The following FREM2 variants were observed in gnomAD, a reference collection of about 807,000 sequenced individuals.
The protein encoded by FREM2 is FRAS1-related extracellular matrix protein 2.
A neutral mutation model predicts 219.9 loss-of-function variants in FREM2; 119 were observed. The observed-to-expected ratio is 0.54, with a 90% CI of 0.47 to 0.63. FREM2 has a LOEUF of 0.63. Among genes scored for constraint, FREM2 ranks in the 30% least tolerant of loss-of-function variants. The probability of loss-of-function intolerance (pLI) is 0.00; values close to 1 mark genes in which losing one functional copy is unlikely to be tolerated. For synonymous variants in FREM2, 1,562 were observed against 1,522.8 expected (o/e 1.03, Z -0.60); for missense variants, 4,030 against 3,993.6 (o/e 1.01, Z -0.25).
At chr13:38,736,410 C>T (rs926317328) in intron 2 of FREM2, among the ~76,000 whole-genome samples, 2 of 152,186 alleles carry the variant, frequency 1.3e-5, no homozygotes, top group African/African-American at 4.8e-5. Context: ...CAAAACCTCT[C>T]TGTAACCATG....
At chr13:38,823,511 A>G (rs1876152236) in intron 6 of FREM2, among the ~76,000 whole-genome samples, 1 of 151,898 alleles carries the variant, frequency 6.6e-6, no homozygotes, top group African/African-American at 2.4e-5. Flanking sequence ...CAAGCAGCAT[A>G]CAATACCACA....
chr13:38,873,942 T>C (rs1264583656), intron 17 of FREM2, among the ~76,000 whole-genome samples: 1 of 152,218 alleles, frequency 6.6e-6, no homozygotes, highest in Non-Finnish European at 1.5e-5. Flanking sequence ...GTGTCTTGTT[T>C]TAGAAGATGT....
chr13:38,823,144 T>C (rs966408224), intron 6 of FREM2, among the ~76,000 whole-genome samples: 1 of 151,970 alleles, frequency 6.6e-6, no homozygotes, highest in East Asian at 1.9e-4. Context: ...TTCCTCTCAG[T>C]CCTCACCCCA....
intron 2 of FREM2, among the ~76,000 whole-genome samples, chr13:38,732,611 G>C (rs1443418819): frequency 6.6e-6 from 1 of 152,172 alleles, no homozygotes; most frequent in Non-Finnish European, 1.5e-5. Context: ...ACACAACTGG[G>C]TTGAAATTCC....
intron 6 of FREM2, among the ~76,000 whole-genome samples, chr13:38,813,464 TTCTCTCTC>T (rs1170570605): frequency 1.2e-4 from 7 of 60,454 alleles, no homozygotes; most frequent in African/African-American, 4.3e-4. Flanking sequence ...GTTATTTGTT[TTCTCTCTC>T]TCTCTCTCTC....
chr13:38,795,992 T>C (rs1408600450), intron 6 of FREM2, among the ~76,000 whole-genome samples: 1 of 149,862 alleles, frequency 6.7e-6, no homozygotes, highest in African/African-American at 2.4e-5. Context: ...TCTTTCTTTC[T>C]TTCTTTTTTC....
chr13:38,818,979 T>C (rs1390279450), intron 6 of FREM2, among the ~76,000 whole-genome samples: 1 of 152,148 alleles, frequency 6.6e-6, no homozygotes, highest in Non-Finnish European at 1.5e-5. Context: ...ACTACCCTTA[T>C]TGTGTCATTA....
At chr13:38,782,105 G>C (rs928885636) in intron 4 of FREM2, among the ~76,000 whole-genome samples, 15 of 152,316 alleles carry the variant, frequency 9.8e-5, no homozygotes, top group Non-Finnish European at 2.2e-4. Context: ...GGGTGAAGCA[G>C]GGTGGAGCAT....
intron 6 of FREM2, among the ~76,000 whole-genome samples, chr13:38,793,810 A>G (rs1206862407): frequency 6.6e-6 from 1 of 152,162 alleles, no homozygotes; most frequent in African/African-American, 2.4e-5. Flanking sequence ...GTGCTGAGGA[A>G]GAATGGGCAT....
chr13:38,844,243 T>A (rs1877063814), intron 6 of FREM2, among the ~76,000 whole-genome samples: 1 of 152,144 alleles, frequency 6.6e-6, no homozygotes, highest in Non-Finnish European at 1.5e-5. Flanking sequence ...TTTATTTTTA[T>A]AACATTGTCA....
chr13:38,785,849 G>C (rs1874306318), intron 6 of FREM2, among the ~76,000 whole-genome samples: 1 of 152,156 alleles, frequency 6.6e-6, no homozygotes, highest in African/African-American at 2.4e-5. Flanking sequence ...GTAGCTGTGA[G>C]AATAATAGGT....
rs200997496 is a variant in FREM2 at position 38,864,286 on chromosome 13, G to C, written c.7663G>C (p.Val2555Leu). 1 of 1,613,402 alleles carries C rather than the reference G, an allele frequency of 6.2e-7. No homozygotes were observed. Among genetic ancestry groups the C allele is most frequent in the Non-Finnish European group, 8.5e-7 (1 of 1,179,338 alleles). Residue 2555 changes from valine (V) to leucine (L), a missense_variant, in exon 16 of 24, where the codon GTG becomes CTG. By Grantham distance (32) the Val-to-Leu change is conservative. This residue lies in a region of FREM2 where 928 missense variants were observed against 1,042.9 expected (regional missense o/e 0.89). Transcript: ENST00000280481. ...TCGATTTATCATAGGCATGCTCCCC[G>C]TGATCTCCACTAGAGAGCTTTCCAA... The part of the protein sequence containing the change: ...TMPHIDGMLP[V>L]ISTRELSNFE...
intron 1 of FREM2, among the ~76,000 whole-genome samples, chr13:38,696,901 A>G (rs1870131397): frequency 6.6e-6 from 1 of 150,532 alleles, no homozygotes; most frequent in Non-Finnish European, 1.5e-5. Context: ...TTTGCCTCCC[A>G]GGCTCAAGCA....
At chr13:38,824,123 C>A (rs141660333) in intron 6 of FREM2, among the ~76,000 whole-genome samples, 190 of 152,020 alleles carry the variant, frequency 1.2e-3, no homozygotes, top group African/African-American at 4.2e-3. Context: ...TGATAGGGGA[C>A]AGAGTGGTAG....
rs145092901 is a variant in FREM2 at position 38,868,314 on chromosome 13, C to T, written c.7983+3708C>T. Reference sequence around the variant, plus strand: ...GCACAATGATAGTTGTAATAGCTTACATTTATTGATTGTTTACTACATGCC... The same window carrying T: ...GCACAATGATAGTTGTAATAGCTTATATTTATTGATTGTTTACTACATGCC... On this transcript the variant is annotated intron_variant, in intron 16 of 23. Transcript: ENST00000280481. Among the ~76,000 whole-genome samples the T allele has an allele frequency of 8.0e-3, 1,212 of 152,244 alleles. 14 individuals carry two copies. Among genetic ancestry groups the T allele is most frequent in the African/African-American group, 0.027 (1,109 of 41,534 alleles).
At chr13:38,721,223 G>GA (rs202095989) in intron 2 of FREM2, among the ~76,000 whole-genome samples, 30 of 151,240 alleles carry the variant, frequency 2.0e-4, no homozygotes, top group African/African-American at 6.8e-4. Flanking sequence ...GGTAGAGGCA[G>GA]AAAAAAAAAT....
chr13:38,758,533 G>T (rs9548447), intron 2 of FREM2, among the ~76,000 whole-genome samples: 122,142 of 152,066 alleles, frequency 0.8, 50,039 homozygotes, highest in Non-Finnish European at 0.9. Flanking sequence ...GCCATCTCCC[G>T]CAGTTGAATG....
In FREM2 at chr13:38,880,323, A is replaced by T. The variant is rs1460206954; in HGVS notation, c.9046A>T (p.Thr3016Ser). 1 of 1,613,912 alleles carries T rather than the reference A, an allele frequency of 6.2e-7. No homozygotes were observed. The highest frequency in any genetic ancestry group is 8.5e-7 in the Non-Finnish European group (1 of 1,179,926). Residue 3016 changes from threonine (T) to serine (S), a missense_variant, in exon 24 of 24, where the codon ACA becomes TCA. Physicochemically the swap from Thr to Ser is moderately conservative, Grantham distance 58. Coordinates refer to ENST00000280481, the MANE Select transcript of FREM2 (RefSeq NM_207361.6). ...GREWYIHTIY[T>S]VRSKDNANRG... The stretch of plus-strand genomic sequence containing the variant: ...AGAATGGTATATACATACGATCTAT[A>T]CAGTGAGATCGAAAGACAATGCCAA...
chr13:38,773,121 G>A (rs972757518), intron 4 of FREM2, among the ~76,000 whole-genome samples: 2 of 152,168 alleles, frequency 1.3e-5, no homozygotes, highest in African/African-American at 4.8e-5. Context: ...TATAGGTGAA[G>A]ATTTTAAATG....
Sources: gnomAD v4.1 joint callset for allele counts (sites outside exome capture counted in the v4.1 genomes callset) on GRCh38, gnomAD v4.1.1 for gene constraint, gnomAD v4.1.1 regional missense constraint, MANE v1.5 for transcripts, NCBI Gene and HGNC (gene_info 2026-07-23, HGNC 2026-07-21) for gene names.